Variants in CEP104 observed in about 807,000 individuals in gnomAD.
CEP104 encodes centrosomal protein 104.
Under a neutral mutation model 113.3 loss-of-function variants are expected in CEP104, and 84 were observed. That is an observed-to-expected ratio of 0.74 (90% CI 0.62 to 0.89). The LOEUF is 0.89. Among genes scored for constraint, CEP104 ranks in the 40% least tolerant of loss-of-function variants. The probability of loss-of-function intolerance (pLI) is 0.00; values close to 1 mark genes in which losing one functional copy is unlikely to be tolerated. For missense variants in CEP104, 1,053 were observed against 1,156.6 expected (o/e 0.91, Z 1.30); for synonymous variants, 378 against 421.7 (o/e 0.90, Z 1.27).
At position 3,839,441 on chromosome 1, in the gene CEP104, T is replaced by C. The variant is rs56048216; in HGVS notation, c.735+167A>G. On this transcript the variant is annotated intron_variant, in intron 7 of 21. Coordinates refer to ENST00000378230, the MANE Select transcript of CEP104 (RefSeq NM_014704.4). The stretch of plus-strand genomic sequence containing the variant: ...GTAAAGCTTCTGCTTCCATTTACAT[T>C]TTTAAAGTGCTTATCTGTCTCCGTA... 4.0e-3 allele frequency among the ~76,000 whole-genome samples: 606 copies of C among 152,324 alleles called. 5 individuals carry two copies. The highest frequency in any genetic ancestry group is 6.1e-3 in the Non-Finnish European group (418 of 68,026).
chr1:3,815,344 T>C lies in CEP104; in HGVS notation c.*58A>G. ...AGGCCAGAGAGTTCTGGAGAGATGG[T>C]GTAGAATCAGGAGACCCGCTCCATC... On this transcript the variant is annotated 3_prime_UTR_variant, in exon 22 of 22. Coordinates refer to ENST00000378230, the MANE Select transcript of CEP104 (RefSeq NM_014704.4). 2.4e-6 allele frequency: 3 copies of C among 1,274,236 alleles called. No homozygotes were observed. In the South Asian group the frequency reaches 3.8e-5, roughly 16 times the overall value. The allele number at this position is 1,274,236 out of a possible 1,614,324, so 78.9% of individuals were successfully genotyped here.
intron 18 of CEP104, among the ~76,000 whole-genome samples, chr1:3,824,487 G>A (rs948074665): frequency 6.6e-6 from 1 of 152,218 alleles, no homozygotes; most frequent in African/African-American, 2.4e-5. Context: ...GACTGGCAAG[G>A]TGGGCAATGC....
At chr1:3,834,703 A>T (rs917011029) in intron 11 of CEP104, among the ~76,000 whole-genome samples, 1 of 152,228 alleles carries the variant, frequency 6.6e-6, no homozygotes, top group Admixed American at 6.5e-5. Flanking sequence ...GACCAGAGAC[A>T]ATGACCCAAG....
rs1013477729 is a variant in CEP104 at position 3,815,047 on chromosome 1, G to A, written c.*355C>T. 30 of 224,180 alleles carry A rather than the reference G, an allele frequency of 1.3e-4. No individual in the cohort carries two copies. The highest frequency in any genetic ancestry group is 2.2e-4 in the Non-Finnish European group (25 of 111,886). 13.9% of individuals were successfully genotyped at this position (224,180 alleles called of 1,614,324 possible). A position where few individuals can be genotyped will look rare whatever the true frequency, so the allele number is the denominator to read the frequency against. ...AATTGCTCCAAGCACTAAGGAAAGCGGGACCGTGCCTGTGCTGACCGTGGC... is the reference window on the plus strand; with the variant it reads ...AATTGCTCCAAGCACTAAGGAAAGCAGGACCGTGCCTGTGCTGACCGTGGC... On this transcript the variant is annotated 3_prime_UTR_variant, in exon 22 of 22. Coordinates refer to ENST00000378230, the MANE Select transcript of CEP104 (RefSeq NM_014704.4).
At position 3,844,942 on chromosome 1, in the gene CEP104, G is replaced by T. The variant is rs1644480877; in HGVS notation, c.531C>A (p.Asn177Lys). The change falls in exon 6 of 22, where the codon AAC (asparagine) becomes AAA (lysine). Residue 177 changes from asparagine (N) to lysine (K), a missense_variant. Coordinates refer to ENST00000378230, the MANE Select transcript of CEP104 (RefSeq NM_014704.4). ...TTCCTTCTAGAGCAGGGTCCTCGCT[G>T]TTGTGCCCAAGGTAGTGGTCAATCA... ...EKLIDHYLGH[N>K]SEDPALEGTY... 6.2e-7 allele frequency: 1 copy of T among 1,614,050 alleles called. No individual in the cohort carries two copies. Among genetic ancestry groups the T allele is most frequent in the South Asian group, 1.1e-5 (1 of 91,090 alleles).
intron 8 of CEP104, 49 bp downstream of exon 8, chr1:3,838,915 C>T (rs1644363086): frequency 6.2e-7 from 1 of 1,601,596 alleles, no homozygotes; most frequent in African/African-American, 1.3e-5. Flanking sequence ...ACAGTTGAAT[C>T]TCTGTTCTCC....
rs1181353223 is a variant in CEP104 at position 3,833,987 on chromosome 1, T to C, written c.1534A>G (p.Ile512Val). 1.9e-6 allele frequency: 3 copies of C among 1,613,796 alleles called. No homozygotes were observed. The highest frequency in any genetic ancestry group is 2.2e-5 in the South Asian group (2 of 91,072). Residue 512 changes from isoleucine (I) to valine (V), a missense_variant, in exon 12 of 22, where the codon ATT becomes GTT. Transcript: ENST00000378230. ...KLLKMIITQY[I>V]PKHKLSKLET... is the part of the protein sequence containing the mutation. ...AGTTTACTCAGTTTATGTTTAGGAA[T>C]ATATTGTGTAATGATCATTTTCAAC... is the stretch of plus-strand genomic sequence containing the variant.
rs9424303 is a variant in CEP104, at chr1:3,819,755, A to G, written c.2572-3385T>C. On this transcript the variant is annotated intron_variant, in intron 20 of 21. Coordinates refer to ENST00000378230, the MANE Select transcript of CEP104 (RefSeq NM_014704.4). The surrounding 1 kb of genome is among the most constrained non-coding windows in gnomAD (Gnocchi z 4.6). ...AGAAGGGAGGGAACGCTGAAGAGAGAAAAAATATTTGAAGAATGAACGGCA... is the reference window on the plus strand; with the variant it reads ...AGAAGGGAGGGAACGCTGAAGAGAGGAAAAATATTTGAAGAATGAACGGCA... Among the ~76,000 whole-genome samples the G allele has an allele frequency of 0.66, 100,966 of 152,088 alleles. 34,858 individuals carry two copies. Among genetic ancestry groups the G allele is most frequent in the African/African-American group, 0.86 (35,901 of 41,506 alleles).
intron 2 of CEP104, among the ~76,000 whole-genome samples, chr1:3,850,297 TGAAAA>T (rs748000261): frequency 5.9e-5 from 9 of 152,200 alleles, no homozygotes; most frequent in Non-Finnish European, 1.3e-4. Context: ...AAGCTGCATA[TGAAAA>T]GAAACCACAC....
At chr1:3,839,487 T>C in intron 7 of CEP104, 121 bp downstream of exon 7, 1 of 915,336 alleles carries the variant, frequency 1.1e-6, no homozygotes, top group Non-Finnish European at 1.7e-6. Context: ...GCTGAGATCT[T>C]TGAACTCACA....
In CEP104 at chr1:3,815,456, G is replaced by A; in HGVS notation, c.2724C>T (p.Pro908=). The change falls in exon 22 of 22, where the codon CCC becomes CCT. Residue 908 remains proline, a synonymous_variant. Coordinates refer to ENST00000378230, the MANE Select transcript of CEP104 (RefSeq NM_014704.4). ...TCTTGCTCAGTCCGCCCTTCGGGGT[G>A]GGGATCTTGCTTCCGGCCTTTGACC... ...PLGSKAGSKI[P]TPKGGLSKSS... 6.2e-7 allele frequency: 1 copy of A among 1,613,326 alleles called. No homozygotes were observed. The highest frequency in any genetic ancestry group is 8.5e-7 in the Non-Finnish European group (1 of 1,179,880).
chr1:3,832,070 G>C (rs1046857787), intron 12 of CEP104, among the ~76,000 whole-genome samples: 3 of 152,244 alleles, frequency 2.0e-5, no homozygotes, highest in Non-Finnish European at 4.4e-5. Context: ...GTCTCACATA[G>C]AGAGAACATT....
intron 6 of CEP104, 105 bp downstream of exon 6, chr1:3,844,802 A>G: frequency 1.1e-6 from 1 of 901,204 alleles, no homozygotes; most frequent in Non-Finnish European, 1.8e-6. Context: ...CCAGCTCTAA[A>G]CTGAATTTAG....
In CEP104 at chr1:3,829,972, C is replaced by T; in HGVS notation, c.1862G>A (p.Arg621Lys). ...MKFSVSALEH[R>K]VYEVRETAVR... ...CGCCGTCTCGCGGACCTCATACACT[C>T]TATGCTCCAGGGCACTCACTGAAAA... Residue 621 changes from arginine (R) to lysine (K), a missense_variant, in exon 14 of 22, where the codon AGA becomes AAA. By Grantham distance (26) the Arg-to-Lys change is conservative. Transcript: ENST00000378230. 1 of 1,614,192 alleles carries T rather than the reference C, an allele frequency of 6.2e-7. No individual in the cohort carries two copies. The highest frequency in any genetic ancestry group is 8.5e-7 in the Non-Finnish European group (1 of 1,180,032).
At chr1:3,850,514 G>T (rs1375468387) in intron 2 of CEP104, among the ~76,000 whole-genome samples, 3 of 152,162 alleles carry the variant, frequency 2.0e-5, no homozygotes, top group Non-Finnish European at 2.9e-5. Context: ...GGCACTGGGG[G>T]TCTCCCTATA....
chr1:3,826,263 T>A (rs762360095), intron 17 of CEP104, 107 bp downstream of exon 17: 1 of 896,270 alleles, frequency 1.1e-6, no homozygotes, highest in African/African-American at 1.7e-5. Flanking sequence ...CTACCTTTTA[T>A]GATGACTACG....
At chr1:3,834,874 G>T in intron 11 of CEP104, 51 bp downstream of exon 11, 1 of 1,519,260 alleles carries the variant, frequency 6.6e-7, no homozygotes, top group Non-Finnish European at 8.9e-7. Context: ...GTGGTACGGC[G>T]CATGATCTCA....
chr1:3,836,369 C>A (rs543225676), intron 10 of CEP104, 126 bp downstream of exon 10: 7 of 939,302 alleles, frequency 7.5e-6, no homozygotes, highest in South Asian at 3.8e-5. Flanking sequence ...GGGAAGTCAA[C>A]AATATTACAA....
chr1:3,856,190 CT>C (rs1397859822), intron 1 of CEP104, among the ~76,000 whole-genome samples: 1 of 152,216 alleles, frequency 6.6e-6, no homozygotes, highest in Admixed American at 6.5e-5. Flanking sequence ...GGGCGTATTA[CT>C]TGAGGTCAGG....
Sources: gnomAD v4.1 joint callset for allele counts (sites outside exome capture counted in the v4.1 genomes callset) on GRCh38, gnomAD v4.1.1 for gene constraint, Gnocchi (gnomAD v3.1) non-coding constraint, MANE v1.5 for transcripts, NCBI Gene and HGNC (gene_info 2026-07-23, HGNC 2026-07-21) for gene names.